Variants in NLGN4X observed in about 807,000 individuals in gnomAD.
NLGN4X encodes neuroligin-4, X-linked.
In NLGN4X, 3 loss-of-function variants were observed where a neutral mutation model predicts 40.3. That is an observed-to-expected ratio of 0.07 (90% CI 0.03 to 0.19). The LOEUF (loss-of-function observed/expected upper bound fraction) is 0.19, where lower values mean the gene tolerates loss of function less well. Among genes scored for constraint, NLGN4X ranks in the 10% least tolerant of loss-of-function variants. NLGN4X has a pLI of 1.00. For missense variants in NLGN4X, 382 were observed against 708.3 expected, an observed-to-expected ratio of 0.54 and a Z score of 5.23; for synonymous variants, 270 against 306.8, an observed-to-expected ratio of 0.88 and a Z score of 1.25.
At chrX:6,114,992 G>A (rs1272293734) in intron 2 of NLGN4X, among the ~76,000 whole-genome samples, 2 of 112,348 alleles carry the variant, frequency 1.8e-5, no homozygotes, top group Non-Finnish European at 3.7e-5. Flanking sequence ...AACTAAATGG[G>A]TTCATGTTCT....
chrX:6,029,166 G>A, intron 3 of NLGN4X, 114 bp downstream of exon 3: 16 of 861,684 alleles, frequency 1.9e-5, no homozygotes, highest in Non-Finnish European at 2.6e-5. Flanking sequence ...ACCGTGAAGT[G>A]GAATTAACCA....
At chrX:5,989,452 G>C (rs771615465) in intron 3 of NLGN4X, among the ~76,000 whole-genome samples, 1 of 112,009 alleles carries the variant, frequency 8.9e-6, no homozygotes, top group Non-Finnish European at 1.9e-5. Context: ...GCCTAATTAC[G>C]TAACAGTCAG....
chrX:5,906,330 T>C (rs766315939), intron 4 of NLGN4X, among the ~76,000 whole-genome samples: 27 of 111,392 alleles, frequency 2.4e-4, no homozygotes, highest in Non-Finnish European at 3.6e-4. Context: ...TTTGGTCTCA[T>C]GGGCAAAACA....
chrX:5,921,391 C>CAGAGAGAGAGAGAGAG (rs56879029), intron 3 of NLGN4X, among the ~76,000 whole-genome samples: 1,271 of 52,889 alleles, frequency 0.024, 60 homozygotes, highest in Admixed American at 0.033. Flanking sequence ...GAAAATGAAC[C>CAGAGAGAGAGAGAGAG]AGAGAGAGAG....
intron 3 of NLGN4X, among the ~76,000 whole-genome samples, chrX:5,943,577 A>T (rs1311470405): frequency 8.9e-6 from 1 of 112,414 alleles, no homozygotes. Context: ...AAAGGATGGG[A>T]TTTGGAGAAA....
intron 3 of NLGN4X, among the ~76,000 whole-genome samples, chrX:5,952,023 G>A (rs1314967929): frequency 3.6e-5 from 4 of 112,374 alleles, no homozygotes; most frequent in Non-Finnish European, 7.5e-5. Flanking sequence ...AATAGAGGCA[G>A]TGGAGATTCG....
At chrX:6,140,145 A>G (rs1366605497) in intron 2 of NLGN4X, among the ~76,000 whole-genome samples, 1 of 111,608 alleles carries the variant, frequency 9.0e-6, no homozygotes, top group East Asian at 2.8e-4. Flanking sequence ...TACAATTTTC[A>G]TATCTTGTTG....
At chrX:5,989,067 C>CAAAAAAATA (rs1187740388) in intron 3 of NLGN4X, among the ~76,000 whole-genome samples, 2 of 75,205 alleles carry the variant, frequency 2.7e-5, no homozygotes, top group African/African-American at 5.8e-5. Context: ...GACTCTGTCT[C>CAAAAAAATA]AAAAAAATAA....
intron 1 of NLGN4X, chrX:6,187,690 A>T (rs769584578): frequency 6.2e-5 from 7 of 112,232 alleles, no homozygotes; most frequent in African/African-American, 2.3e-4. Context: ...AGAGGCCAGT[A>T]TGTCAGTGCC....
intron 4 of NLGN4X, among the ~76,000 whole-genome samples, chrX:5,904,735 A>T (rs756068482): frequency 1.2e-4 from 13 of 112,155 alleles, no homozygotes; most frequent in Non-Finnish European, 2.1e-4. Context: ...CGCTGTAAAA[A>T]TCAGCATTCC....
At chrX:6,014,460 T>G (rs2036338601) in intron 3 of NLGN4X, among the ~76,000 whole-genome samples, 1 of 111,569 alleles carries the variant, frequency 9.0e-6, no homozygotes, top group African/African-American at 3.3e-5. Flanking sequence ...TTCCCTAGAG[T>G]TAACATTAGA....
chrX:6,224,380 G>C (rs1449037726), intron 1 of NLGN4X, among the ~76,000 whole-genome samples: 1 of 112,061 alleles, frequency 8.9e-6, no homozygotes, highest in Non-Finnish European at 1.9e-5. Flanking sequence ...GGCTTTTAAA[G>C]AGACCCCTGC....
chrX:5,978,332 CTTTCTTT>C (rs2035271089), intron 3 of NLGN4X, among the ~76,000 whole-genome samples: 2 of 37,104 alleles, frequency 5.4e-5, no homozygotes, highest in African/African-American at 1.6e-4. Context: ...TTCTTTCTTT[CTTTCTTT>C]CTTTCCCTTC....
At chrX:6,076,182 C>G (rs1262143164) in intron 2 of NLGN4X, among the ~76,000 whole-genome samples, 1 of 112,348 alleles carries the variant, frequency 8.9e-6, no homozygotes, top group Non-Finnish European at 1.9e-5. Flanking sequence ...GAGAAAGAAA[C>G]AAACGCTCCA....
At chrX:5,947,175 T>C (rs375498390) in intron 3 of NLGN4X, among the ~76,000 whole-genome samples, 3 of 111,970 alleles carry the variant, frequency 2.7e-5, no homozygotes, top group East Asian at 5.6e-4. Context: ...GAACAACTTA[T>C]AATCCTTTGA....
intron 2 of NLGN4X, among the ~76,000 whole-genome samples, chrX:6,044,106 A>AAAATAAATAAATAAAT (rs36167131): frequency 0.23 from 21,828 of 96,241 alleles, 2,320 homozygotes; most frequent in African/African-American, 0.31. Flanking sequence ...GTTTCTATTA[A>AAAATAAATAAATAAAT]AAATAAATAA....
intron 2 of NLGN4X, among the ~76,000 whole-genome samples, chrX:6,122,612 T>TC (rs1281875963): frequency 9.2e-6 from 1 of 108,546 alleles, no homozygotes; most frequent in Non-Finnish European, 1.9e-5. Context: ...ATAAAAGAAC[T>TC]CCCAAGAAAT....
intron 3 of NLGN4X, among the ~76,000 whole-genome samples, chrX:6,009,906 T>G (rs1332835771): frequency 8.9e-6 from 1 of 112,320 alleles, no homozygotes; most frequent in Non-Finnish European, 1.9e-5. Context: ...AAATCATAAC[T>G]CTCTATCCTG....
intron 1 of NLGN4X, among the ~76,000 whole-genome samples, chrX:6,202,169 T>G (rs2147858515): frequency 9.1e-6 from 1 of 109,795 alleles, no homozygotes; most frequent in South Asian, 4.0e-4. Context: ...GCCCTTCCAG[T>G]GGTCAGCTAG....
Sources: allele counts gnomAD v4.1 joint callset (sites outside exome capture counted in the v4.1 genomes callset), GRCh38; gene constraint gnomAD v4.1.1; transcripts MANE v1.5; gene names NCBI Gene and HGNC (gene_info 2026-07-23, HGNC 2026-07-21).